The following RBFOX1 variants were observed in gnomAD, a reference collection of about 807,000 sequenced individuals.
RBFOX1 encodes RNA binding fox-1 homolog 1.
Under a neutral mutation model 57.7 loss-of-function variants are expected in RBFOX1, and 8 were observed. That is an observed-to-expected ratio of 0.14 (90% CI 0.08 to 0.25). The LOEUF is 0.25. Ranked by LOEUF, RBFOX1 falls within the 10% of genes least tolerant of loss-of-function variation. The probability of loss-of-function intolerance (pLI) is 1.00; values close to 1 mark genes in which losing one functional copy is unlikely to be tolerated. For missense variants in RBFOX1, 611 were observed against 548.5 expected (o/e 1.11, Z -1.14); for synonymous variants, 326 against 222.4 (o/e 1.47, Z -4.15).
intron 3 of RBFOX1, among the ~76,000 whole-genome samples, chr16:5,708,282 T>C (rs2051325051): frequency 6.6e-6 from 1 of 152,150 alleles, no homozygotes; most frequent in Non-Finnish European, 1.5e-5. Flanking sequence ...ATCAAGCAGA[T>C]GAAGTATGAG....
rs1222693001 is a variant in RBFOX1, at chr16:5,633,466, C to CCAAT, written c.318+34506_318+34509dup. Among the ~76,000 whole-genome samples, 3 of 152,244 alleles carry CCAAT rather than the reference C, an allele frequency of 2.0e-5. No homozygotes were observed. The East Asian group carries it at 5.8e-4, about 29-fold the overall frequency. On this transcript the variant is annotated intron_variant, in intron 3 of 19. Coordinates refer to the RBFOX1 transcript ENST00000641259. ...CATCACTGGAGCAACGACTCTCTAC[C>CCAAT]CAATATGTAGTCTTTTAGAAAATAT...
At chr16:6,581,504 C>G (rs2097537226) in intron 2 of RBFOX1, among the ~76,000 whole-genome samples, 1 of 152,146 alleles carries the variant, frequency 6.6e-6, no homozygotes, top group Non-Finnish European at 1.5e-5. Flanking sequence ...CTACCCTGGG[C>G]TCTGATGGTC....
intron 4 of RBFOX1, among the ~76,000 whole-genome samples, chr16:7,275,886 C>T (rs1284744385): frequency 6.6e-6 from 1 of 152,276 alleles, no homozygotes; most frequent in African/African-American, 2.4e-5. Context: ...GAGGCAGCCC[C>T]AGGGGTTGCT....
At chr16:7,249,231 T>A (rs1282282912) in intron 4 of RBFOX1, among the ~76,000 whole-genome samples, 1 of 152,228 alleles carries the variant, frequency 6.6e-6, no homozygotes, top group Non-Finnish European at 1.5e-5. Flanking sequence ...TGGGTTTGTT[T>A]CCATTCCCCT....
At chr16:6,237,738 C>G (rs185028914) in intron 1 of RBFOX1, among the ~76,000 whole-genome samples, 10 of 151,816 alleles carry the variant, frequency 6.6e-5, no homozygotes, top group Admixed American at 3.3e-4. Flanking sequence ...GAGACTCCAT[C>G]TCAAAAATAA....
chr16:7,568,151 A>T (rs2092329459), intron 5 of RBFOX1, among the ~76,000 whole-genome samples: 1 of 152,166 alleles, frequency 6.6e-6, no homozygotes, highest in South Asian at 2.1e-4. Flanking sequence ...CCATCAAGTG[A>T]AGTAAAAATA....
At chr16:6,031,573 GCA>G (rs1405973609) in intron 1 of RBFOX1, among the ~76,000 whole-genome samples, 4 of 152,204 alleles carry the variant, frequency 2.6e-5, no homozygotes, top group Non-Finnish European at 5.9e-5. Context: ...GAGTGGATGT[GCA>G]CACACATCTC....
At chr16:6,614,758 T>G (rs560571949) in intron 2 of RBFOX1, among the ~76,000 whole-genome samples, 1 of 152,294 alleles carries the variant, frequency 6.6e-6, no homozygotes, top group Admixed American at 6.5e-5. Context: ...TCCATCTGTC[T>G]CTGACTTCAC....
chr16:6,428,021 G>A (rs1266577934), intron 2 of RBFOX1, among the ~76,000 whole-genome samples: 1 of 152,140 alleles, frequency 6.6e-6, no homozygotes, highest in African/African-American at 2.4e-5. Flanking sequence ...GGTGGCTCAT[G>A]CCTGTAATCC....
At chr16:6,023,490 C>T (rs1456274907) in intron 1 of RBFOX1, among the ~76,000 whole-genome samples, 1 of 152,170 alleles carries the variant, frequency 6.6e-6, no homozygotes, top group Non-Finnish European at 1.5e-5. Context: ...TTTCACCTTT[C>T]CAAAAATTAG....
intron 3 of RBFOX1, among the ~76,000 whole-genome samples, chr16:6,970,943 G>T (rs903582843): frequency 1.3e-5 from 2 of 152,126 alleles, no homozygotes; most frequent in African/African-American, 4.8e-5. Context: ...CATGCACACA[G>T]GTGCACGTGC....
intron 4 of RBFOX1, among the ~76,000 whole-genome samples, chr16:7,244,051 C>G (rs1184126249): frequency 1.3e-5 from 2 of 151,816 alleles, no homozygotes; most frequent in Non-Finnish European, 2.9e-5. Context: ...GTTTTCACAG[C>G]AAGATTAAAG....
At chr16:5,937,902 A>G (rs2059199425) in intron 4 of RBFOX1, among the ~76,000 whole-genome samples, 1 of 151,906 alleles carries the variant, frequency 6.6e-6, no homozygotes, top group Non-Finnish European at 1.5e-5. Flanking sequence ...TGTGGTTTTC[A>G]GTTGACTTAT....
chr16:6,440,852 G>A (rs2094362774), intron 2 of RBFOX1, among the ~76,000 whole-genome samples: 3 of 150,954 alleles, frequency 2.0e-5, no homozygotes, highest in Non-Finnish European at 4.4e-5. Flanking sequence ...TGGTGATATC[G>A]AATGAGTCCA....
At chr16:7,405,402 C>A (rs975769658) in intron 4 of RBFOX1, among the ~76,000 whole-genome samples, 1 of 152,148 alleles carries the variant, frequency 6.6e-6, no homozygotes, top group Non-Finnish European at 1.5e-5. Context: ...CCCTGTTCCA[C>A]CAGGTGTTGC....
intron 4 of RBFOX1, chr16:7,423,167 G>A (rs2098559442): frequency 6.6e-6 from 1 of 151,866 alleles, no homozygotes; most frequent in African/African-American, 2.4e-5. Flanking sequence ...GAGCCCTGCT[G>A]TATTTTAATC....
intron 2 of RBFOX1, among the ~76,000 whole-genome samples, chr16:6,639,819 C>T (rs2154071430): frequency 6.6e-6 from 1 of 152,222 alleles, no homozygotes; most frequent in Non-Finnish European, 1.5e-5. Context: ...GCAGAGCTTG[C>T]AGTGAGCTGA....
chr16:5,390,835 C>T (rs927297118), intron 1 of RBFOX1, among the ~76,000 whole-genome samples: 1 of 152,106 alleles, frequency 6.6e-6, no homozygotes, highest in Non-Finnish European at 1.5e-5. Flanking sequence ...GCATGTGATG[C>T]TGAAGCTGTG....
intron 2 of RBFOX1, among the ~76,000 whole-genome samples, chr16:6,407,231 G>A (rs1184708183): frequency 6.6e-6 from 1 of 151,758 alleles, no homozygotes; most frequent in Non-Finnish European, 1.5e-5. Flanking sequence ...ATCCTTATCT[G>A]TATCTGTACC....
Sources: gnomAD v4.1 joint callset for allele counts (sites outside exome capture counted in the v4.1 genomes callset) on GRCh38, gnomAD v4.1.1 for gene constraint, MANE v1.5 for transcripts, NCBI Gene and HGNC (gene_info 2026-07-23, HGNC 2026-07-21) for gene names.